RABGAP1: variants seen among roughly 807,000 people sequenced by gnomAD.
RABGAP1 encodes the protein RAB GTPase activating protein 1.
Under a neutral mutation model 137.6 loss-of-function variants are expected in RABGAP1, and 23 were observed. The observed-to-expected ratio is 0.17, with a 90% CI of 0.12 to 0.24. The LOEUF (loss-of-function observed/expected upper bound fraction) is 0.24. RABGAP1 is among the 10% of genes least tolerant of loss of function. The pLI is 1.00. For missense variants in RABGAP1, 906 were observed against 1,275.8 expected (o/e 0.71, Z 4.42); for synonymous variants, 451 against 450.7 (o/e 1.00, Z -0.01).
At chr9:122,972,643 A>G (rs1835529273) in intron 2 of RABGAP1, among the ~76,000 whole-genome samples, 1 of 152,110 alleles carries the variant, frequency 6.6e-6, no homozygotes, top group African/African-American at 2.4e-5. Flanking sequence ...TGCTGTAGAG[A>G]TTCTCTGGCC....
chr9:123,084,465 A>G (rs929110754), intron 19 of RABGAP1, among the ~76,000 whole-genome samples: 1 of 152,146 alleles, frequency 6.6e-6, no homozygotes, highest in African/African-American at 2.4e-5. Flanking sequence ...ATGCAGAGCT[A>G]CTAATGTTCA....
intron 1 of RABGAP1, among the ~76,000 whole-genome samples, chr9:122,953,645 C>T (rs1438010960): frequency 7.2e-5 from 11 of 152,184 alleles, no homozygotes; most frequent in Admixed American, 3.3e-4. Flanking sequence ...GTGATCCACC[C>T]GCCTTGACCT....
chr9:123,043,242 CAGG>C (rs1318546487), intron 13 of RABGAP1, among the ~76,000 whole-genome samples: 1 of 152,098 alleles, frequency 6.6e-6, no homozygotes, highest in Non-Finnish European at 1.5e-5. Context: ...GTCTCTGACA[CAGG>C]AGGATGGTGA....
chr9:122,971,331 C>T (rs541713951), intron 2 of RABGAP1, among the ~76,000 whole-genome samples: 6 of 152,156 alleles, frequency 3.9e-5, no homozygotes, highest in Non-Finnish European at 7.4e-5. Context: ...CTCCAGGCAC[C>T]TTACAGAAGC....
At chr9:122,998,319 C>G (rs570043780) in intron 9 of RABGAP1, among the ~76,000 whole-genome samples, 5 of 152,104 alleles carry the variant, frequency 3.3e-5, no homozygotes, top group Non-Finnish European at 7.4e-5. Context: ...AGGCTGGTCT[C>G]ATGGGCTCAA....
chr9:123,101,661 C>T lies in RABGAP1; in HGVS notation c.2985C>T (p.Asp995=), dbSNP rs779273062. ...CAACCAAGGAGGTTTTAGATGAGGA[C>T]ACGGATGAAGAGAAAGAGACGCTCA... ...ISSTKEVLDE[D]TDEEKETLKN... The change falls in exon 25 of 26, where the codon GAC becomes GAT. Residue 995 remains aspartate (D), a synonymous_variant. Coordinates refer to ENST00000373647, the MANE Select transcript of RABGAP1 (RefSeq NM_012197.4). The T allele has an allele frequency of 6.2e-7, 1 of 1,613,934 alleles. No homozygotes were observed. Among genetic ancestry groups the T allele is most frequent in the Non-Finnish European group, 8.5e-7 (1 of 1,179,968 alleles).
intron 19 of RABGAP1, among the ~76,000 whole-genome samples, chr9:123,083,820 T>C (rs904933468): frequency 6.6e-6 from 1 of 152,230 alleles, no homozygotes; most frequent in African/African-American, 2.4e-5. Context: ...TTAAAGTGGC[T>C]GCTGCTTGCA....
At chr9:122,945,192 A>G (rs1023658360) in intron 1 of RABGAP1, 6 of 119,356 alleles carry the variant, frequency 5.0e-5, no homozygotes, top group South Asian at 3.0e-4. Flanking sequence ...AGTCATCCCA[A>G]CCACCCTCAC....
chr9:122,964,580 A>G (rs1835034444), intron 2 of RABGAP1, among the ~76,000 whole-genome samples: 1 of 152,214 alleles, frequency 6.6e-6, no homozygotes, highest in Admixed American at 6.5e-5. Flanking sequence ...TTTCAACCTG[A>G]TAAAGGACAT....
Position 122,961,311 on chromosome 9 carries a change from A to G in RABGAP1, c.150+4102A>G, listed in dbSNP as rs142761071. Among the ~76,000 whole-genome samples, 12 of 152,324 alleles carry G rather than the reference A, an allele frequency of 7.9e-5. No homozygotes were observed. In the East Asian group the frequency reaches 1.3e-3, roughly 17 times the overall value. On this transcript the variant is annotated intron_variant, in intron 2 of 25. Transcript: ENST00000373647. ...CATCAACTTACAAGGGAACCTGCCCATAAGATTTATAGCTAACTTCTCAGC... is the reference window on the plus strand; with the variant it reads ...CATCAACTTACAAGGGAACCTGCCCGTAAGATTTATAGCTAACTTCTCAGC...
chr9:123,010,563 G>C (rs1391557037), intron 11 of RABGAP1, 35 bp downstream of exon 11: 2 of 1,568,846 alleles, frequency 1.3e-6, no homozygotes, highest in South Asian at 1.1e-5. Context: ...TATTTTTGGG[G>C]GTGGAAGACC....
At chr9:123,028,134 G>A (rs943586471) in intron 13 of RABGAP1, among the ~76,000 whole-genome samples, 1 of 152,110 alleles carries the variant, frequency 6.6e-6, no homozygotes, top group African/African-American at 2.4e-5. Flanking sequence ...CATATGCCTC[G>A]ACCTAATAAT....
chr9:122,981,126 T>C (rs1157629798), intron 2 of RABGAP1, among the ~76,000 whole-genome samples: 1 of 151,852 alleles, frequency 6.6e-6, no homozygotes, highest in Non-Finnish European at 1.5e-5. Flanking sequence ...CAACCTCTGC[T>C]CCCCGGGTTC....
chr9:122,969,874 A>G (rs1439076774), intron 2 of RABGAP1, among the ~76,000 whole-genome samples: 1 of 152,096 alleles, frequency 6.6e-6, no homozygotes, highest in Non-Finnish European at 1.5e-5. Flanking sequence ...CCAACATGAC[A>G]TTTAATAAAT....
chr9:123,027,151 T>C (rs2032024677), intron 13 of RABGAP1, among the ~76,000 whole-genome samples: 1 of 147,010 alleles, frequency 6.8e-6, no homozygotes. Context: ...GCTCTCTCGC[T>C]CTGTTGCCAG....
intron 13 of RABGAP1, among the ~76,000 whole-genome samples, chr9:123,058,289 C>T (rs1170603687): frequency 6.0e-5 from 9 of 151,242 alleles, no homozygotes; most frequent in Non-Finnish European, 8.8e-5. Context: ...AGGATAATGG[C>T]CAAATAATAT....
At chr9:122,954,914 T>C (rs1317281756) in intron 1 of RABGAP1, among the ~76,000 whole-genome samples, 1 of 152,174 alleles carries the variant, frequency 6.6e-6, no homozygotes, top group Admixed American at 6.6e-5. Flanking sequence ...GAAATAGAGA[T>C]GTGACAAATT....
At chr9:122,991,812 C>G (rs1424845263) in intron 6 of RABGAP1, among the ~76,000 whole-genome samples, 5 of 151,648 alleles carry the variant, frequency 3.3e-5, no homozygotes, top group African/African-American at 1.2e-4. Context: ...TGCCACATTG[C>G]CCAGGTTGGT....
At chr9:122,944,508 A>T (rs1435400682) in intron 1 of RABGAP1, among the ~76,000 whole-genome samples, 1 of 151,600 alleles carries the variant, frequency 6.6e-6, no homozygotes, top group Non-Finnish European at 1.5e-5. Flanking sequence ...AACACTCTTA[A>T]ATAATCTTTG....
Sources: gnomAD v4.1 joint callset for allele counts (sites outside exome capture counted in the v4.1 genomes callset) on GRCh38, gnomAD v4.1.1 for gene constraint, MANE v1.5 for transcripts, NCBI Gene and HGNC (gene_info 2026-07-23, HGNC 2026-07-21) for gene names.